Variants in TENM3 observed in about 807,000 individuals in gnomAD.
TENM3 encodes teneurin transmembrane protein 3, also known as teneurin-3.
In TENM3, 63 loss-of-function variants were observed where a neutral mutation model predicts 255.1. The ratio of observed to expected loss-of-function variants is 0.25; its 90% CI spans 0.20 to 0.30. The LOEUF (loss-of-function observed/expected upper bound fraction) is 0.30, where lower values mean the gene tolerates loss of function less well. Ranked by LOEUF, TENM3 falls within the 10% of genes least tolerant of loss-of-function variation. The pLI, the probability that TENM3 is intolerant of heterozygous loss-of-function variation, is 1.00. For missense variants in TENM3, 2,929 were observed against 3,461.1 expected (o/e 0.85, Z 3.86); for synonymous variants, 1,306 against 1,322.3 (o/e 0.99, Z 0.27).
the TENM3 span, among the ~76,000 whole-genome samples, chr4:181,664,470 A>G: frequency 1.1e-5 from 1 of 92,286 alleles, no homozygotes; most frequent in South Asian, 2.8e-4. Flanking sequence ...GACTCTGTCT[A>G]AAAAATAAAA....
intron 3 of TENM3, among the ~76,000 whole-genome samples, chr4:182,428,397 A>G (rs895881889): frequency 2.6e-5 from 4 of 152,040 alleles, no homozygotes; most frequent in African/African-American, 9.7e-5. Context: ...TCTAGTTCCC[A>G]TGTGCTTTGC....
chr4:182,075,437 A>G, the TENM3 span, among the ~76,000 whole-genome samples: 1 of 151,940 alleles, frequency 6.6e-6, no homozygotes, highest in African/African-American at 2.4e-5. Context: ...TGACCTAGTG[A>G]TCCACCCGCC....
the TENM3 span, among the ~76,000 whole-genome samples, chr4:181,601,232 T>A: frequency 6.6e-6 from 1 of 152,320 alleles, no homozygotes; most frequent in African/African-American, 2.4e-5. Context: ...GAAATCCAGG[T>A]ATTGGCAGGG....
the TENM3 span, among the ~76,000 whole-genome samples, chr4:182,080,483 G>C: frequency 3.3e-5 from 5 of 152,158 alleles, no homozygotes; most frequent in Non-Finnish European, 4.4e-5. Flanking sequence ...TCTAGGTAGT[G>C]AAACTAGTAA....
At chr4:181,770,281 A>G in the TENM3 span, among the ~76,000 whole-genome samples, 2 of 152,230 alleles carry the variant, frequency 1.3e-5, no homozygotes, top group African/African-American at 4.8e-5. Context: ...TTGAAACCAA[A>G]ATAACAAATT....
chr4:182,362,618 C>T (rs1051893606), intron 3 of TENM3, among the ~76,000 whole-genome samples: 1 of 152,150 alleles, frequency 6.6e-6, no homozygotes, highest in Non-Finnish European at 1.5e-5. Flanking sequence ...TTTCCAGGTG[C>T]CGTCTGTCAC....
chr4:182,100,327 C>T, the TENM3 span, among the ~76,000 whole-genome samples: 1 of 151,504 alleles, frequency 6.6e-6, no homozygotes, highest in East Asian at 1.9e-4. Flanking sequence ...GTTGGCCAAG[C>T]ATGGTGGCTG....
chr4:181,464,725 T>G, the TENM3 span, among the ~76,000 whole-genome samples: 31 of 152,196 alleles, frequency 2.0e-4, no homozygotes, highest in East Asian at 5.6e-3. Flanking sequence ...CCAAGGCTGT[T>G]GGATCACCTG....
chr4:182,152,610 A>T (rs185404329), intron 1 of TENM3, among the ~76,000 whole-genome samples: 2 of 152,044 alleles, frequency 1.3e-5, no homozygotes, highest in African/African-American at 4.8e-5. Flanking sequence ...TTTTTAATAA[A>T]CAATATTGAT....
the TENM3 span, among the ~76,000 whole-genome samples, chr4:181,875,699 T>C: frequency 6.6e-6 from 1 of 152,140 alleles, no homozygotes; most frequent in Non-Finnish European, 1.5e-5. Flanking sequence ...GAGCCCTGGG[T>C]TGGTGTAAGT....
At chr4:182,668,468 C>T (rs1242085198) in intron 6 of TENM3, among the ~76,000 whole-genome samples, 4 of 151,994 alleles carry the variant, frequency 2.6e-5, no homozygotes, top group East Asian at 1.9e-4. Flanking sequence ...TACTAGAACT[C>T]GAAGATTCTG....
the TENM3 span, among the ~76,000 whole-genome samples, chr4:181,800,006 T>G: frequency 6.6e-6 from 1 of 152,288 alleles, no homozygotes; most frequent in African/African-American, 2.4e-5. Flanking sequence ...TGGAGCCAAT[T>G]ATCGCTGTGC....
chr4:181,586,188 T>G, the TENM3 span, among the ~76,000 whole-genome samples: 1 of 152,170 alleles, frequency 6.6e-6, no homozygotes, highest in Non-Finnish European at 1.5e-5. Flanking sequence ...GATGAATGGA[T>G]GTTTGAAAGA....
At chr4:182,477,791 T>C (rs535097316) in intron 3 of TENM3, among the ~76,000 whole-genome samples, 93 of 152,312 alleles carry the variant, frequency 6.1e-4, no homozygotes, top group African/African-American at 2.2e-3. Flanking sequence ...TTAATACTTA[T>C]TTTTAATAAT....
chr4:181,932,709 G>A, the TENM3 span, among the ~76,000 whole-genome samples: 2 of 152,150 alleles, frequency 1.3e-5, no homozygotes, highest in Non-Finnish European at 2.9e-5. Context: ...GAAGACACAT[G>A]CACACATATG....
At chr4:182,379,731 C>G (rs1007624545) in intron 3 of TENM3, among the ~76,000 whole-genome samples, 2 of 152,212 alleles carry the variant, frequency 1.3e-5, no homozygotes, top group Non-Finnish European at 2.9e-5. Context: ...CAGAGTCCAG[C>G]CCTGAGCCAG....
At chr4:182,408,982 A>G (rs948540037) in intron 3 of TENM3, among the ~76,000 whole-genome samples, 3 of 152,270 alleles carry the variant, frequency 2.0e-5, no homozygotes, top group Non-Finnish European at 4.4e-5. Context: ...AACGAGGACC[A>G]GTCAGGGGTT....
chr4:181,782,534 C>T, the TENM3 span, among the ~76,000 whole-genome samples: 6 of 152,130 alleles, frequency 3.9e-5, no homozygotes, highest in East Asian at 1.9e-4. Flanking sequence ...GTCTTGCTAG[C>T]AGTCTATCAA....
chr4:181,473,363 G>A, the TENM3 span, among the ~76,000 whole-genome samples: 15 of 152,114 alleles, frequency 9.9e-5, no homozygotes, highest in East Asian at 2.7e-3. Flanking sequence ...CAAGGTGGGA[G>A]GATCTCTTGA....
Sources: gnomAD v4.1 joint callset for allele counts (sites outside exome capture counted in the v4.1 genomes callset) on GRCh38, gnomAD v4.1.1 for gene constraint, MANE v1.5 for transcripts, NCBI Gene and HGNC (gene_info 2026-07-23, HGNC 2026-07-21) for gene names.